Variants in GRIK1 observed in about 807,000 individuals in gnomAD.
GRIK1 encodes glutamate ionotropic receptor kainate type subunit 1.
In GRIK1, 69 loss-of-function variants were observed where a neutral mutation model predicts 105.7. That is an observed-to-expected ratio of 0.65 (90% CI 0.54 to 0.80). The LOEUF is 0.80. Ranked by LOEUF, GRIK1 falls within the 30% of genes least tolerant of loss-of-function variation. The probability of loss-of-function intolerance (pLI) is 0.00; values close to 1 mark genes in which losing one functional copy is unlikely to be tolerated. For missense variants in GRIK1, 1,109 were observed against 1,167.3 expected, an observed-to-expected ratio of 0.95 and a Z score of 0.73; for synonymous variants, 438 against 431.3, an observed-to-expected ratio of 1.02 and a Z score of -0.19.
At chr21:29,867,940 G>GAGAGAA (rs2068877675) in intron 1 of GRIK1, among the ~76,000 whole-genome samples, 1 of 107,368 alleles carries the variant, frequency 9.3e-6, no homozygotes, top group African/African-American at 3.7e-5. Context: ...GAGAGAAAGA[G>GAGAGAA]AGAGAGAAAG....
At chr21:29,818,260 G>T (rs2067205788) in intron 1 of GRIK1, among the ~76,000 whole-genome samples, 1 of 152,054 alleles carries the variant, frequency 6.6e-6, no homozygotes, top group African/African-American at 2.4e-5. Context: ...AAAAATTTCT[G>T]GGAGCAAACC....
intron 7 of GRIK1, among the ~76,000 whole-genome samples, chr21:29,622,503 G>A (rs2062028343): frequency 6.6e-6 from 1 of 152,102 alleles, no homozygotes; most frequent in African/African-American, 2.4e-5. Flanking sequence ...CTAGCTACAG[G>A]CAGTGTTGGT....
chr21:29,691,031 A>G (rs2063575168), intron 2 of GRIK1, among the ~76,000 whole-genome samples: 1 of 152,162 alleles, frequency 6.6e-6, no homozygotes, highest in African/African-American at 2.4e-5. Context: ...TTCCTATAAT[A>G]TTAAACATTT....
At chr21:29,906,144 A>G (rs2070631784) in intron 1 of GRIK1, among the ~76,000 whole-genome samples, 1 of 152,108 alleles carries the variant, frequency 6.6e-6, no homozygotes, top group South Asian at 2.1e-4. Context: ...ATGGAATTTC[A>G]CTGAAAAGGT....
intron 13 of GRIK1, among the ~76,000 whole-genome samples, chr21:29,578,801 TG>T (rs2146246482): frequency 6.6e-6 from 1 of 152,308 alleles, no homozygotes; most frequent in East Asian, 1.9e-4. Flanking sequence ...TTCATATCTT[TG>T]TACTTAATTG....
intron 7 of GRIK1, among the ~76,000 whole-genome samples, chr21:29,633,125 T>C (rs2062318199): frequency 6.6e-6 from 1 of 152,190 alleles, no homozygotes; most frequent in Non-Finnish European, 1.5e-5. Context: ...TTTTCCACCA[T>C]GTGGAAACAC....
At chr21:29,930,952 T>A (rs2071544430) in intron 1 of GRIK1, among the ~76,000 whole-genome samples, 1 of 152,180 alleles carries the variant, frequency 6.6e-6, no homozygotes, top group African/African-American at 2.4e-5. Context: ...GTAGAAACAG[T>A]AACAGAAGAA....
intron 14 of GRIK1, among the ~76,000 whole-genome samples, chr21:29,576,167 C>T (rs894183376): frequency 6.6e-6 from 1 of 152,012 alleles, no homozygotes; most frequent in African/African-American, 2.4e-5. Flanking sequence ...ACTTCATGAT[C>T]TTTACACCTA....
At chr21:29,722,004 T>C (rs1378226914) in intron 1 of GRIK1, among the ~76,000 whole-genome samples, 1 of 152,202 alleles carries the variant, frequency 6.6e-6, no homozygotes, top group African/African-American at 2.4e-5. Context: ...GTATTTCCTG[T>C]CGATGAAAGG....
intron 1 of GRIK1, among the ~76,000 whole-genome samples, chr21:29,748,526 G>T (rs568539980): frequency 6.6e-6 from 1 of 152,182 alleles, no homozygotes; most frequent in South Asian, 2.1e-4. Flanking sequence ...CCAGAGACAT[G>T]ACAATTTGGG....
At chr21:29,705,167 GAGA>G (rs1406504951) in intron 1 of GRIK1, among the ~76,000 whole-genome samples, 3 of 152,180 alleles carry the variant, frequency 2.0e-5, no homozygotes, top group East Asian at 1.9e-4. Flanking sequence ...ATTTCTTGCT[GAGA>G]AGAAGATATT....
At chr21:29,769,688 G>A (rs1021780728) in intron 1 of GRIK1, among the ~76,000 whole-genome samples, 4 of 152,034 alleles carry the variant, frequency 2.6e-5, no homozygotes, top group Non-Finnish European at 5.9e-5. Flanking sequence ...GACCGGTACC[G>A]GTCTATGCCC....
intron 7 of GRIK1, chr21:29,630,826 TTCTC>T (rs2062252085): frequency 2.8e-6 from 1 of 353,516 alleles, no homozygotes; most frequent in South Asian, 2.2e-5. Context: ...GGCTCTCTTG[TTCTC>T]TCTCTGTCAC....
At chr21:29,902,266 T>C (rs1337122898) in intron 1 of GRIK1, among the ~76,000 whole-genome samples, 2 of 152,208 alleles carry the variant, frequency 1.3e-5, no homozygotes, top group African/African-American at 4.8e-5. Flanking sequence ...TTACCACTCC[T>C]ATTCAGCGTA....
intron 1 of GRIK1, among the ~76,000 whole-genome samples, chr21:29,928,439 G>A (rs2071457474): frequency 6.6e-6 from 1 of 152,158 alleles, no homozygotes; most frequent in Non-Finnish European, 1.5e-5. Flanking sequence ...CCTTAGATCT[G>A]GAGAAAACCT....
chr21:29,900,462 GAA>G (rs796090417), intron 1 of GRIK1, among the ~76,000 whole-genome samples: 3,791 of 76,970 alleles, frequency 0.049, 214 homozygotes, highest in African/African-American at 0.13. Context: ...TGGAAAGCAA[GAA>G]AAAAAAAAAA....
rs9808659 is a variant in GRIK1, at chr21:29,674,391, A to G, written c.545-1227T>C. ...TACAATAAATTTATAATGATATTGAACTTCAGAGTTAAATGTGTAGGAGTA... is the reference window on the plus strand; with the variant it reads ...TACAATAAATTTATAATGATATTGAGCTTCAGAGTTAAATGTGTAGGAGTA... On this transcript the variant is annotated intron_variant, in intron 3 of 17. Transcript: ENST00000327783. Among the ~76,000 whole-genome samples the G allele has an allele frequency of 4.5e-3, 685 of 152,016 alleles. 2 individuals are homozygous for G. The highest frequency in any genetic ancestry group is 0.016 in the African/African-American group (658 of 41,446).
At chr21:29,781,710 C>CCAGACTG (rs1569085842) in intron 1 of GRIK1, among the ~76,000 whole-genome samples, 1 of 78,292 alleles carries the variant, frequency 1.3e-5, no homozygotes, top group African/African-American at 3.3e-5. Flanking sequence ...GTCGCCCAGG[C>CCAGACTG]CGGACTGCGG....
At chr21:29,875,006 T>TTC (rs569836567) in intron 1 of GRIK1, among the ~76,000 whole-genome samples, 10,041 of 151,714 alleles carry the variant, frequency 0.066, 849 homozygotes, top group African/African-American at 0.2. Context: ...TCAGGGTTTT[T>TTC]TTTTTTTTAA....
Sources: allele counts gnomAD v4.1 joint callset (sites outside exome capture counted in the v4.1 genomes callset), GRCh38; gene constraint gnomAD v4.1.1; transcripts MANE v1.5; gene names NCBI Gene and HGNC (gene_info 2026-07-23, HGNC 2026-07-21).